The following ADGRL3 variants were observed in gnomAD, a reference collection of about 807,000 sequenced individuals.
The protein encoded by ADGRL3 is adhesion G protein-coupled receptor L3.
In ADGRL3, 62 loss-of-function variants were observed where a neutral mutation model predicts 153.5. The ratio of observed to expected loss-of-function variants is 0.40; its 90% CI spans 0.33 to 0.50. The LOEUF is 0.50. Ranked by LOEUF, ADGRL3 falls within the 20% of genes least tolerant of loss-of-function variation. The pLI is 0.47. For missense variants in ADGRL3, 1,641 were observed against 1,859.4 expected, an observed-to-expected ratio of 0.88 and a Z score of 2.16; for synonymous variants, 710 against 672.5, an observed-to-expected ratio of 1.06 and a Z score of -0.86.
At chr4:61,294,067 A>G (rs1406543874) in intron 1 of ADGRL3, among the ~76,000 whole-genome samples, 1 of 152,184 alleles carries the variant, frequency 6.6e-6, no homozygotes, top group African/African-American at 2.4e-5. Context: ...ACGAAAGTAT[A>G]CACATTCAGT....
intron 5 of ADGRL3, among the ~76,000 whole-genome samples, chr4:61,592,965 T>C (rs1222489261): frequency 6.6e-6 from 1 of 152,142 alleles, no homozygotes; most frequent in East Asian, 1.9e-4. Flanking sequence ...TTTTCTCTGG[T>C]TGTATGCTTT....
At chr4:61,872,709 A>C (rs534112515) in intron 9 of ADGRL3, among the ~76,000 whole-genome samples, 1 of 152,084 alleles carries the variant, frequency 6.6e-6, no homozygotes, top group East Asian at 1.9e-4. Flanking sequence ...TTTGCCATCC[A>C]GAAAAAAATA....
At chr4:61,452,080 G>A (rs905199606) in intron 2 of ADGRL3, among the ~76,000 whole-genome samples, 1 of 151,686 alleles carries the variant, frequency 6.6e-6, no homozygotes, top group South Asian at 2.1e-4. Flanking sequence ...GTTGCATGGA[G>A]TGTGGCTGCT....
chr4:61,910,162 T>G (rs2098715593), intron 12 of ADGRL3, among the ~76,000 whole-genome samples: 1 of 151,862 alleles, frequency 6.6e-6, no homozygotes, highest in Non-Finnish European at 1.5e-5. Context: ...TTATAGATCT[T>G]CTTGTGGAAG....
chr4:61,757,314 T>C (rs1355210580), intron 8 of ADGRL3, among the ~76,000 whole-genome samples: 1 of 152,204 alleles, frequency 6.6e-6, no homozygotes, highest in African/African-American at 2.4e-5. Flanking sequence ...TATTGGTCTA[T>C]TCAGAGATTC....
At position 61,395,373 on chromosome 4, in the gene ADGRL3, G is replaced by C. The variant is rs555664585; in HGVS notation, c.-174+12184G>C. The stretch of plus-strand genomic sequence containing the variant: ...TGCTGTATATATGCTTATATGGCTT[G>C]TGAAAGGCACATTGTGCTAATGCTA... On this transcript the variant is annotated intron_variant, in intron 2 of 26. Transcript: ENST00000683033. Among the ~76,000 whole-genome samples, 274 of 152,120 alleles carry C rather than the reference G, an allele frequency of 1.8e-3. 2 individuals are homozygous for C. Among genetic ancestry groups the C allele is most frequent in the African/African-American group, 6.4e-3 (265 of 41,568 alleles).
At chr4:61,254,243 G>C (rs1577989952) in intron 1 of ADGRL3, among the ~76,000 whole-genome samples, 1 of 152,230 alleles carries the variant, frequency 6.6e-6, no homozygotes, top group South Asian at 2.1e-4. Flanking sequence ...CTAGAATTGT[G>C]AGTCATTTTT....
At chr4:61,300,625 A>G (rs1373649414) in intron 1 of ADGRL3, among the ~76,000 whole-genome samples, 1 of 152,136 alleles carries the variant, frequency 6.6e-6, no homozygotes, top group African/African-American at 2.4e-5. Flanking sequence ...GGTAGTGGTT[A>G]TTTTATGTAG....
chr4:62,016,675 T>G (rs1411289136), intron 21 of ADGRL3, among the ~76,000 whole-genome samples: 1 of 152,210 alleles, frequency 6.6e-6, no homozygotes, highest in African/African-American at 2.4e-5. Context: ...CTCAGGAATT[T>G]TTTTTATTTC....
intron 8 of ADGRL3, among the ~76,000 whole-genome samples, chr4:61,797,959 G>A (rs2097435033): frequency 6.6e-6 from 1 of 152,108 alleles, no homozygotes; most frequent in African/African-American, 2.4e-5. Context: ...AAAATCGCTG[G>A]ATCACAGCCA....
chr4:61,948,865 CA>C lies in ADGRL3; in HGVS notation c.2805+590del, dbSNP rs1048562576. Among the ~76,000 whole-genome samples, 14 of 152,142 alleles carry C rather than the reference CA, an allele frequency of 9.2e-5. 1 individual carries two copies. The South Asian group carries it at 2.7e-3, about 29-fold the overall frequency. On this transcript the variant is annotated intron_variant, in intron 17 of 26. Coordinates refer to ENST00000683033, the MANE Select transcript of ADGRL3 (RefSeq NM_001387552.1). The stretch of plus-strand genomic sequence containing the variant: ...ATTTCCTCCCAGTGTGACTAGCTTT[CA>C]TATGTATTGAGGGTTGTGAGATGGA...
At chr4:61,446,953 C>T (rs2097590329) in intron 2 of ADGRL3, among the ~76,000 whole-genome samples, 1 of 152,152 alleles carries the variant, frequency 6.6e-6, no homozygotes, top group African/African-American at 2.4e-5. Flanking sequence ...TAACCCCCTA[C>T]TTGTATGCAT....
At chr4:61,336,823 G>A (rs955081125) in intron 1 of ADGRL3, among the ~76,000 whole-genome samples, 4 of 151,140 alleles carry the variant, frequency 2.6e-5, no homozygotes, top group Non-Finnish European at 5.9e-5. Flanking sequence ...GAGCAACAAA[G>A]GCATCCTTTG....
intron 6 of ADGRL3, among the ~76,000 whole-genome samples, chr4:61,707,003 T>A (rs974740372): frequency 6.6e-6 from 1 of 152,154 alleles, no homozygotes; most frequent in African/African-American, 2.4e-5. Flanking sequence ...ACTTGAATAG[T>A]TAGAGGCCAT....
At chr4:61,882,644 C>T (rs1581278533) in intron 9 of ADGRL3, among the ~76,000 whole-genome samples, 1 of 152,304 alleles carries the variant, frequency 6.6e-6, no homozygotes, top group Non-Finnish European at 1.5e-5. Context: ...TTCACACTGC[C>T]TTTCATATGG....
chr4:61,926,079 A>C (rs1375734516), intron 13 of ADGRL3, among the ~76,000 whole-genome samples: 5 of 152,186 alleles, frequency 3.3e-5, no homozygotes, highest in African/African-American at 1.2e-4. Flanking sequence ...TGTACTGAGT[A>C]CTGTAGACAA....
intron 13 of ADGRL3, among the ~76,000 whole-genome samples, chr4:61,920,007 T>G (rs998071428): frequency 6.6e-6 from 1 of 152,188 alleles, no homozygotes; most frequent in African/African-American, 2.4e-5. Flanking sequence ...ACAAAAATAT[T>G]TTCTCTCTTC....
At chr4:61,285,675 A>G (rs1355480347) in intron 1 of ADGRL3, among the ~76,000 whole-genome samples, 10 of 151,960 alleles carry the variant, frequency 6.6e-5, no homozygotes, top group African/African-American at 1.2e-4. Context: ...AAGGAACCCA[A>G]TTTTGAACCT....
chr4:61,278,125 C>T (rs1404545363), intron 1 of ADGRL3, among the ~76,000 whole-genome samples: 1 of 152,120 alleles, frequency 6.6e-6, no homozygotes, highest in African/African-American at 2.4e-5. Flanking sequence ...AACTGAGACA[C>T]AGCTGATCCT....
Sources: allele counts gnomAD v4.1 joint callset (sites outside exome capture counted in the v4.1 genomes callset), GRCh38; gene constraint gnomAD v4.1.1; transcripts MANE v1.5; gene names NCBI Gene and HGNC (gene_info 2026-07-23, HGNC 2026-07-21).